SLC1A6: variants seen among roughly 807,000 people sequenced by gnomAD.
SLC1A6 encodes excitatory amino acid transporter 4.
SLC1A6 carries 15 observed loss-of-function variants against 42.1 expected under a neutral mutation model. The observed-to-expected ratio is 0.36, with a 90% confidence interval of 0.24 to 0.55. SLC1A6 has a LOEUF of 0.55. Among genes scored for constraint, SLC1A6 ranks in the 20% least tolerant of loss-of-function variants. SLC1A6 has a pLI of 0.88. For missense variants in SLC1A6, 542 were observed against 772.5 expected, an observed-to-expected ratio of 0.70 and a Z score of 3.54; for synonymous variants, 317 against 319.7, an observed-to-expected ratio of 0.99 and a Z score of 0.09.
chr19:14,960,851 C>T (rs1198153699), intron 6 of SLC1A6, among the ~76,000 whole-genome samples: 1 of 150,970 alleles, frequency 6.6e-6, no homozygotes, highest in Non-Finnish European at 1.5e-5. Context: ...ATCTATTGGA[C>T]AACATGGTAG....
chr19:14,957,824 A>G (rs1235316069), intron 6 of SLC1A6, among the ~76,000 whole-genome samples: 1 of 152,194 alleles, frequency 6.6e-6, no homozygotes, highest in African/African-American at 2.4e-5. Flanking sequence ...GGTGACATTT[A>G]AGCTGAGACT....
intron 1 of SLC1A6, among the ~76,000 whole-genome samples, chr19:15,008,302 C>CT (rs2045906350): frequency 6.6e-6 from 1 of 151,014 alleles, no homozygotes; most frequent in Admixed American, 6.6e-5. Flanking sequence ...CCATGATCCC[C>CT]CCACTGCACT....
intron 1 of SLC1A6, chr19:14,977,474 A>C (rs1470090248): frequency 6.6e-6 from 1 of 152,154 alleles, no homozygotes; most frequent in African/African-American, 2.4e-5. Context: ...CCTGGAGAAG[A>C]GCAGACAGCA....
intron 1 of SLC1A6, among the ~76,000 whole-genome samples, chr19:14,994,898 A>C (rs1465613545): frequency 6.6e-6 from 1 of 152,224 alleles, no homozygotes; most frequent in African/African-American, 2.4e-5. Context: ...AAAATAAGGA[A>C]ATCCTGCCAT....
intron 2 of SLC1A6, 53 bp from the exon 3 acceptor site, chr19:14,971,927 G>A: frequency 1.3e-6 from 2 of 1,598,618 alleles, no homozygotes; most frequent in Non-Finnish European, 8.5e-7. Flanking sequence ...CTCAGCCCCA[G>A]GCAGGGTCCA....
rs1599979535 is a variant in SLC1A6, at chr19:14,954,063, C to G, written c.1364+72G>C. 11 of 1,307,702 alleles carry G rather than the reference C, an allele frequency of 8.4e-6. No individual in the cohort carries two copies. The East Asian group carries it at 2.1e-4, about 25-fold the overall frequency. 81.0% of individuals were successfully genotyped at this position (1,307,702 alleles called of 1,614,324 possible). Reference sequence around the variant, plus strand: ...TCCAGCTGAGGCCCCCTCCTCCCTCCCCAACCCTCCCAGCCAAGCTGATGA... The same window carrying G: ...TCCAGCTGAGGCCCCCTCCTCCCTCGCCAACCCTCCCAGCCAAGCTGATGA... On this transcript the variant is annotated intron_variant, in intron 8 of 9. Transcript: ENST00000594383.
intron 1 of SLC1A6, among the ~76,000 whole-genome samples, chr19:15,009,024 A>G (rs929261956): frequency 2.7e-5 from 4 of 150,534 alleles, no homozygotes; most frequent in South Asian, 2.1e-4. Context: ...TATATAAAAT[A>G]TACATATATG....
intron 1 of SLC1A6, among the ~76,000 whole-genome samples, chr19:15,008,028 C>G (rs1044820867): frequency 1.6e-5 from 2 of 128,864 alleles, no homozygotes; most frequent in East Asian, 3.1e-4. Context: ...TCTGCCCCCC[C>G]CCCAAAAAAA....
chr19:14,972,798 C>A lies in SLC1A6; in HGVS notation c.113G>T (p.Arg38Leu). The A allele has an allele frequency of 6.2e-7, 1 of 1,613,038 alleles. No homozygotes were observed. Among genetic ancestry groups the A allele is most frequent in the Non-Finnish European group, 8.5e-7 (1 of 1,179,718 alleles). The change falls in exon 2 of 10, where the codon CGC (arginine) becomes CTC (leucine). Residue 38 changes from arginine (R) to leucine (L), a missense_variant. Transcript: ENST00000594383. ...ESLQQRALRT[R>L]LRLQTMTLEH... is the part of the protein sequence containing the mutation. ...GAGGGTCATGGTCTGCAGGCGCAGG[C>A]GCGTGCGCAGTGCTCTCTGCTGCAG...
intron 1 of SLC1A6, among the ~76,000 whole-genome samples, chr19:15,000,200 A>G (rs2045866325): frequency 6.6e-6 from 1 of 152,186 alleles, no homozygotes; most frequent in African/African-American, 2.4e-5. Context: ...TTGACTTATG[A>G]TATTTTCAAC....
intron 1 of SLC1A6, among the ~76,000 whole-genome samples, chr19:15,007,811 G>C (rs1301169998): frequency 6.6e-6 from 1 of 152,046 alleles, no homozygotes; most frequent in Non-Finnish European, 1.5e-5. Flanking sequence ...GATCATCTGA[G>C]GTCAGGACTT....
At chr19:14,951,971 C>A (rs1028666257) in intron 9 of SLC1A6, among the ~76,000 whole-genome samples, 6 of 118,636 alleles carry the variant, frequency 5.1e-5, no homozygotes, top group Non-Finnish European at 7.4e-5. Context: ...CGCCACCACA[C>A]CCAGCTAATT....
At chr19:15,005,259 CAAAAAA>C (rs59367163) in intron 1 of SLC1A6, among the ~76,000 whole-genome samples, 1 of 91,104 alleles carries the variant, frequency 1.1e-5, no homozygotes, top group Non-Finnish European at 2.3e-5. Flanking sequence ...GACCCTGTCT[CAAAAAA>C]AAAAAAAAAA....
chr19:14,998,766 T>C (rs8104451), intron 1 of SLC1A6, among the ~76,000 whole-genome samples: 14,839 of 152,264 alleles, frequency 0.097, 887 homozygotes, highest in East Asian at 0.2. Flanking sequence ...ATCTACACTT[T>C]TTGGAGCATC....
chr19:14,977,344 A>G lies in SLC1A6; in HGVS notation c.-8+1965T>C, dbSNP rs578205300. 4 of 152,232 alleles carry G rather than the reference A, an allele frequency of 2.6e-5. 1 individual carries two copies. In the South Asian group the frequency reaches 8.3e-4, roughly 32 times the overall value. 9.4% of individuals were successfully genotyped at this position (152,232 alleles called of 1,614,324 possible). A position where few individuals can be genotyped will look rare whatever the true frequency, so the allele number is the denominator to read the frequency against. ...ACACAGCCACACTCATGCATTACCT[A>G]TTGTCTACAGCTGCTTTCAAGCTAC... On this transcript the variant is annotated intron_variant, in intron 1 of 9. Coordinates refer to ENST00000594383, the MANE Select transcript of SLC1A6 (RefSeq NM_005071.3).
chr19:14,955,986 T>C (rs185768326), intron 7 of SLC1A6, among the ~76,000 whole-genome samples: 1 of 152,268 alleles, frequency 6.6e-6, no homozygotes, highest in Non-Finnish European at 1.5e-5. Flanking sequence ...GTGCTACTTT[T>C]CAAATTTGTT....
chr19:14,981,879 G>A (rs2045769932), upstream of SLC1A6, among the ~76,000 whole-genome samples: 1 of 152,074 alleles, frequency 6.6e-6, no homozygotes, highest in African/African-American at 2.4e-5. Context: ...AGGAACATGT[G>A]GAGCAGGGTT....
rs187650487 is a variant in SLC1A6, at chr19:14,971,649, G to A, written c.343+88C>T. On this transcript the variant is annotated intron_variant, in intron 3 of 9. Coordinates refer to ENST00000594383, the MANE Select transcript of SLC1A6 (RefSeq NM_005071.3). ...TTTGAGGTGCCGCGTCAAGGAAGTG[G>A]TCCCATGCTTGGGATGGCCTTGGCT... 9.5e-4 allele frequency: 1,263 copies of A among 1,325,590 alleles called. 11 individuals are homozygous for A. The African/African-American group carries it at 0.016, about 17-fold the overall frequency. 82.1% of individuals were successfully genotyped at this position (1,325,590 alleles called of 1,614,324 possible).
intron 1 of SLC1A6, among the ~76,000 whole-genome samples, chr19:15,006,405 A>G (rs1304512712): frequency 1.3e-5 from 2 of 152,304 alleles, no homozygotes; most frequent in East Asian, 3.9e-4. Flanking sequence ...GCAGCAAATG[A>G]CTGTGCTAAC....
Sources: gnomAD v4.1 joint callset for allele counts (sites outside exome capture counted in the v4.1 genomes callset) on GRCh38, gnomAD v4.1.1 for gene constraint, MANE v1.5 for transcripts, NCBI Gene and HGNC (gene_info 2026-07-23, HGNC 2026-07-21) for gene names.